Variants in ENOX2 observed in about 807,000 individuals in gnomAD.
The protein encoded by ENOX2 is APK1 antigen.
ENOX2 carries 36 observed loss-of-function variants against 45.0 expected under a neutral mutation model. That is an observed-to-expected ratio of 0.80 (90% confidence interval 0.61 to 1.06). The LOEUF (loss-of-function observed/expected upper bound fraction) is 1.06, where lower values mean the gene tolerates loss of function less well. ENOX2 is among the 50% of genes least tolerant of loss of function. ENOX2 has a pLI of 0.00. For missense variants in ENOX2, 423 were observed against 462.5 expected, an observed-to-expected ratio of 0.91 and a Z score of 0.78; for synonymous variants, 174 against 152.3, an observed-to-expected ratio of 1.14 and a Z score of -1.05.
intron 6 of ENOX2, among the ~76,000 whole-genome samples, 198 bp downstream of exon 6, chrX:130,679,344 C>A (rs1000014659): frequency 1.8e-5 from 2 of 111,521 alleles, no homozygotes; most frequent in Non-Finnish European, 3.8e-5. Flanking sequence ...TGTGAGGAGT[C>A]TGGATTTATC....
In ENOX2 at chrX:130,780,872, T is replaced by TG. The variant is rs753296154; in HGVS notation, c.-39+2674_-39+2675insC. 4.0e-3 allele frequency among the ~76,000 whole-genome samples: 441 copies of TG among 111,174 alleles called. 2 individuals are homozygous for TG. The highest frequency in any genetic ancestry group is 0.014 in the African/African-American group (426 of 30,572). On this transcript the variant is annotated intron_variant, in intron 3 of 14. Transcript: ENST00000394363. Reference sequence around the variant, plus strand: ...AGAGATGGCTTTGACTCAGTGGAGTTACAGGGCCGAGTGATGCAATGACTG... The same window carrying TG: ...AGAGATGGCTTTGACTCAGTGGAGTTGACAGGGCCGAGTGATGCAATGACTG...
intron 5 of ENOX2, among the ~76,000 whole-genome samples, chrX:130,687,774 T>C (rs1482441895): frequency 1.8e-5 from 2 of 112,043 alleles, no homozygotes; most frequent in Non-Finnish European, 3.8e-5. Context: ...ATCTGTTTTT[T>C]TTTTCTAGCA....
At chrX:130,743,177 A>G (rs1241550706) in intron 3 of ENOX2, among the ~76,000 whole-genome samples, 2 of 112,187 alleles carry the variant, frequency 1.8e-5, no homozygotes, top group African/African-American at 6.5e-5. Context: ...GGGTGACCAT[A>G]GAAGAATAGA....
At position 130,631,317 on chromosome X, in the gene ENOX2, T is replaced by C. The variant is rs892263654; in HGVS notation, c.1528+151A>G. 67 of 433,178 alleles carry C rather than the reference T, an allele frequency of 1.5e-4. No homozygotes were observed. In the African/African-American group the frequency reaches 1.6e-3, roughly 10 times the overall value. 35.7% of individuals were successfully genotyped at this position (433,178 alleles called of 1,213,427 possible). The stretch of plus-strand genomic sequence containing the variant: ...GCTGTTAAATTTGGAAATTTGTACT[T>C]GTTCTTAACCTATCATCTTCAGAAC... On this transcript the variant is annotated intron_variant, in intron 13 of 14. Coordinates refer to ENST00000394363, the MANE Select transcript of ENOX2 (RefSeq NM_006375.4).
intron 9 of ENOX2, among the ~76,000 whole-genome samples, chrX:130,659,957 T>G (rs758851894): frequency 1.8e-5 from 2 of 112,404 alleles, no homozygotes; most frequent in African/African-American, 3.2e-5. Flanking sequence ...ATACAGCTTA[T>G]CTAGTCTTTC....
At chrX:130,810,596 C>G (rs2077375291) in intron 2 of ENOX2, among the ~76,000 whole-genome samples, 6 of 112,219 alleles carry the variant, frequency 5.3e-5, no homozygotes, top group Admixed American at 1.9e-4. Context: ...AGGTTTCATG[C>G]CTGCCCCAAT....
chrX:130,637,155 T>G (rs2035951521), intron 11 of ENOX2, 74 bp downstream of exon 11: 3 of 819,739 alleles, frequency 3.7e-6, no homozygotes, highest in Non-Finnish European at 5.5e-6. Flanking sequence ...TCAATTTGAT[T>G]GCAGGGGACC....
In ENOX2 at chrX:130,761,477, T is replaced by A. The variant is rs183461123; in HGVS notation, c.-39+22070A>T. Among the ~76,000 whole-genome samples, 427 of 112,118 alleles carry A rather than the reference T, an allele frequency of 3.8e-3. 2 individuals carry two copies. The highest frequency in any genetic ancestry group is 0.013 in the African/African-American group (413 of 30,955). The stretch of plus-strand genomic sequence containing the variant: ...GGTAGAATTGTTCATAGTAGTCCCT[T>A]AGTATCTGTGTTAAGTCATTCTTGT... On this transcript the variant is annotated intron_variant, in intron 3 of 14. Transcript: ENST00000394363.
intron 3 of ENOX2, among the ~76,000 whole-genome samples, chrX:130,716,647 T>C (rs1297248255): frequency 1.8e-5 from 2 of 112,106 alleles, no homozygotes; most frequent in African/African-American, 3.2e-5. Flanking sequence ...ACACCCGCTG[T>C]ATCGGCATAC....
chrX:130,696,663 G>A (rs2037770581), intron 4 of ENOX2, among the ~76,000 whole-genome samples: 1 of 111,410 alleles, frequency 9.0e-6, no homozygotes, highest in African/African-American at 3.3e-5. Context: ...CAGTGTTTGG[G>A]CTTTTGAGAT....
intron 2 of ENOX2, among the ~76,000 whole-genome samples, chrX:130,807,381 A>G (rs1398987277): frequency 2.7e-5 from 3 of 112,156 alleles, no homozygotes; most frequent in Non-Finnish European, 1.9e-5. Flanking sequence ...TCCCAACATG[A>G]AAATCAACAA....
At chrX:130,626,568 G>A (rs1234729143) in intron 14 of ENOX2, among the ~76,000 whole-genome samples, 1 of 111,977 alleles carries the variant, frequency 8.9e-6, no homozygotes, top group Non-Finnish European at 1.9e-5. Context: ...GGTTTTTACT[G>A]ACACATAGTT....
chrX:130,622,535 A>T lies in ENOX2; in HGVS notation c.*2779T>A, dbSNP rs1033257446. On this transcript the variant is annotated 3_prime_UTR_variant, in exon 15 of 15. Transcript: ENST00000394363. ...ATGTCACAGGACTAGGGAAGGAGATAAAAAAATCATTTGTAAAACAAAAGA... is the reference window on the plus strand; with the variant it reads ...ATGTCACAGGACTAGGGAAGGAGATTAAAAAATCATTTGTAAAACAAAAGA... 2.7e-5 allele frequency among the ~76,000 whole-genome samples: 3 copies of T among 111,943 alleles called. No individual in the cohort carries two copies. Among genetic ancestry groups the T allele is most frequent in the African/African-American group, 6.5e-5 (2 of 30,804 alleles).
intron 2 of ENOX2, among the ~76,000 whole-genome samples, chrX:130,814,131 G>T: frequency 8.9e-6 from 1 of 112,334 alleles, no homozygotes; most frequent in Non-Finnish European, 1.9e-5. Flanking sequence ...CCACCAGGAG[G>T]TTCGAAGGGG....
chrX:130,878,550 A>G (rs1384937422), intron 2 of ENOX2, among the ~76,000 whole-genome samples: 2 of 111,666 alleles, frequency 1.8e-5, no homozygotes, highest in African/African-American at 6.5e-5. Flanking sequence ...ATATTCACGA[A>G]CTACTCAAGC....
intron 2 of ENOX2, among the ~76,000 whole-genome samples, chrX:130,823,319 G>A (rs1008388280): frequency 9.0e-6 from 1 of 111,719 alleles, no homozygotes; most frequent in Non-Finnish European, 1.9e-5. Flanking sequence ...AGTGGCAGCA[G>A]ACCTTAGGGG....
At chrX:130,803,785 AC>A (rs2077257575) in intron 2 of ENOX2, among the ~76,000 whole-genome samples, 2 of 112,353 alleles carry the variant, frequency 1.8e-5, no homozygotes, top group Non-Finnish European at 3.8e-5. Context: ...CACATCAAAT[AC>A]TTTAACATAC....
intron 3 of ENOX2, among the ~76,000 whole-genome samples, chrX:130,742,598 T>C (rs887505926): frequency 1.4e-4 from 16 of 111,692 alleles, no homozygotes; most frequent in Non-Finnish European, 2.8e-4. Context: ...GGTGATATAA[T>C]TGGGCTTCCA....
intron 3 of ENOX2, among the ~76,000 whole-genome samples, chrX:130,766,196 G>A (rs942680867): frequency 8.1e-5 from 9 of 111,260 alleles, no homozygotes; most frequent in African/African-American, 2.9e-4. Flanking sequence ...GCATTTTCCT[G>A]ATTCATAATG....
Sources: allele counts gnomAD v4.1 joint callset (sites outside exome capture counted in the v4.1 genomes callset), GRCh38; gene constraint gnomAD v4.1.1; transcripts MANE v1.5; gene names NCBI Gene and HGNC (gene_info 2026-07-23, HGNC 2026-07-21).